C10orf90: variants seen among roughly 807,000 people sequenced by gnomAD.
The protein encoded by C10orf90 is chromosome 10 open reading frame 90.
Under a neutral mutation model 62.5 loss-of-function variants are expected in C10orf90, and 56 were observed. The ratio of observed to expected loss-of-function variants is 0.90; its 90% CI spans 0.72 to 1.12. The LOEUF is 1.12. C10orf90 is among the 50% of genes most tolerant of loss of function. The pLI, the probability that C10orf90 is intolerant of heterozygous loss-of-function variation, is 0.00. For synonymous variants in C10orf90, 386 were observed against 340.4 expected, an observed-to-expected ratio of 1.13 and a Z score of -1.47; for missense variants, 970 against 880.4, an observed-to-expected ratio of 1.10 and a Z score of -1.29.
Position 126,425,411 on chromosome 10 carries a change from C to A in C10orf90, c.*453G>T. ...GGTTTCAAATATACTATATGATGACCCACATTTTGGCATTTGCATAACTGG... is the reference window on the plus strand; with the variant it reads ...GGTTTCAAATATACTATATGATGACACACATTTTGGCATTTGCATAACTGG... On this transcript the variant is annotated 3_prime_UTR_variant, in exon 10 of 10. Coordinates refer to ENST00000488181, the MANE Select transcript of C10orf90 (RefSeq NM_001350921.2). 1 of 173,602 alleles carries A rather than the reference C, an allele frequency of 5.8e-6. No individual in the cohort carries two copies. Among genetic ancestry groups the A allele is most frequent in the Admixed American group, 5.7e-5 (1 of 17,554 alleles). 10.8% of individuals were successfully genotyped at this position (173,602 alleles called of 1,614,324 possible).
At chr10:126,661,391 T>C (rs181711628) in intron 1 of C10orf90, among the ~76,000 whole-genome samples, 6 of 152,334 alleles carry the variant, frequency 3.9e-5, no homozygotes, top group Non-Finnish European at 5.9e-5. Context: ...TGAATACAGA[T>C]GAGAAAACTA....
intron 3 of C10orf90, 75 bp from the exon 4 acceptor site, chr10:126,505,160 A>G (rs1591032115): frequency 2.1e-6 from 3 of 1,461,858 alleles, no homozygotes; most frequent in African/African-American, 1.4e-5. Context: ...TTCAAGGGCC[A>G]CCAGGATGCC....
chr10:126,621,981 C>G (rs759889561), intron 2 of C10orf90, among the ~76,000 whole-genome samples: 1 of 152,012 alleles, frequency 6.6e-6, no homozygotes, highest in African/African-American at 2.4e-5. Flanking sequence ...TGGCTTACCC[C>G]GTACCTTCAG....
chr10:126,561,588 G>T lies in C10orf90; in HGVS notation c.314-47649C>A, dbSNP rs992051286. On this transcript the variant is annotated intron_variant, in intron 2 of 9. Transcript: ENST00000488181. Reference sequence around the variant, plus strand: ...AAACGAAAGCAGATTTTCACTCTCCGTGCTGCAGGAGCCACAGAAAGTCCG... The same window carrying T: ...AAACGAAAGCAGATTTTCACTCTCCTTGCTGCAGGAGCCACAGAAAGTCCG... Among the ~76,000 whole-genome samples, 4 of 152,150 alleles carry T rather than the reference G, an allele frequency of 2.6e-5. No homozygotes were observed. In the South Asian group the frequency reaches 8.3e-4, roughly 32 times the overall value.
intron 1 of C10orf90, among the ~76,000 whole-genome samples, chr10:126,659,586 A>G (rs1329033757): frequency 6.6e-6 from 1 of 152,232 alleles, no homozygotes; most frequent in African/African-American, 2.4e-5. Flanking sequence ...AGCTGTCTCA[A>G]AGTCCTTTCT....
intron 7 of C10orf90, among the ~76,000 whole-genome samples, chr10:126,431,321 T>C (rs1228135571): frequency 6.6e-6 from 1 of 152,166 alleles, no homozygotes; most frequent in Non-Finnish European, 1.5e-5. Flanking sequence ...ACACTAGGTA[T>C]GAGGCCTCTA....
intron 2 of C10orf90, among the ~76,000 whole-genome samples, chr10:126,547,149 G>A (rs2133973311): frequency 6.6e-6 from 1 of 152,152 alleles, no homozygotes; most frequent in South Asian, 2.1e-4. Flanking sequence ...GCCGGGCGTT[G>A]TGGCTCACGC....
chr10:126,476,970 C>T (rs555703296), intron 4 of C10orf90, among the ~76,000 whole-genome samples: 2 of 140,886 alleles, frequency 1.4e-5, no homozygotes, highest in African/African-American at 5.4e-5. Context: ...AGTGCAGTGG[C>T]ATGATCTCGG....
chr10:126,644,592 G>A (rs1846129001), intron 2 of C10orf90, among the ~76,000 whole-genome samples: 1 of 152,212 alleles, frequency 6.6e-6, no homozygotes, highest in African/African-American at 2.4e-5. Flanking sequence ...TCCCAACCCA[G>A]GGTTGCCTGA....
Position 126,661,261 on chromosome 10 carries a change from C to T in C10orf90, c.240+8980G>A, listed in dbSNP as rs1325932983. 3.9e-5 allele frequency among the ~76,000 whole-genome samples: 6 copies of T among 152,208 alleles called. No homozygotes were observed. In the East Asian group the frequency reaches 1.2e-3, roughly 29 times the overall value. On this transcript the variant is annotated intron_variant, in intron 1 of 9. Transcript: ENST00000488181. ...ACATATGTTCAAACTTGGACAACAA[C>T]AACAACTCATTTTCATGGGGTACAG... is the stretch of plus-strand genomic sequence containing the variant.
intron 4 of C10orf90, among the ~76,000 whole-genome samples, chr10:126,493,153 C>CT (rs1367075354): frequency 3.1e-5 from 4 of 129,056 alleles, no homozygotes; most frequent in African/African-American, 1.1e-4. Context: ...CATAATCCCT[C>CT]TTTTTTGTTG....
chr10:126,433,315 G>A (rs575790414), intron 7 of C10orf90, among the ~76,000 whole-genome samples: 4 of 152,292 alleles, frequency 2.6e-5, no homozygotes, highest in Admixed American at 1.3e-4. Flanking sequence ...TAGATGCCAA[G>A]AGCAAAGTCT....
intron 2 of C10orf90, among the ~76,000 whole-genome samples, chr10:126,622,274 G>A (rs189293489): frequency 3.9e-5 from 6 of 152,116 alleles, no homozygotes; most frequent in Admixed American, 2.6e-4. Context: ...TCTCTAGCTC[G>A]GCTGATGAAG....
rs1395713544 is a variant in C10orf90 at position 126,645,108 on chromosome 10, T to TTC, written c.313+1456_313+1457insGA. On this transcript the variant is annotated intron_variant, in intron 2 of 9. Transcript: ENST00000488181. ...GGGGAACATCACACTCTGGGGACTGTTGTGGGGTGGGAGGAGGGGGGAGGG... is the reference window on the plus strand; with the variant it reads ...GGGGAACATCACACTCTGGGGACTGTTCTGTGGGGTGGGAGGAGGGGGGAGGG... Among the ~76,000 whole-genome samples the TTC allele has an allele frequency of 2.6e-3, 153 of 57,922 alleles. 2 individuals are homozygous for TTC. Among genetic ancestry groups the TTC allele is most frequent in the African/African-American group, 5.6e-3 (148 of 26,378 alleles). The allele number at this position is 57,922 out of a possible 152,430, so 38.0% of individuals were successfully genotyped here.
At position 126,504,299 on chromosome 10, in the gene C10orf90, A is replaced by C; in HGVS notation, c.1192T>G (p.Leu398Val). 1 of 1,613,970 alleles carries C rather than the reference A, an allele frequency of 6.2e-7. No individual in the cohort carries two copies. The highest frequency in any genetic ancestry group is 1.1e-5 in the South Asian group (1 of 91,058). ...SLNLNCSSHRLTADGVDGLVN... is the reference protein window; with the variant it reads ...SLNLNCSSHRVTADGVDGLVN... Reference sequence around the variant, plus strand: ...AGGCCATCTACTCCATCTGCTGTTAATCTGTGGGAACTACAATTGAGGTTG... The same window carrying C: ...AGGCCATCTACTCCATCTGCTGTTACTCTGTGGGAACTACAATTGAGGTTG... The change falls in exon 4 of 10, where the codon TTA becomes GTA. Residue 398 changes from leucine (L) to valine (V), a missense_variant. Physicochemically the swap from Leu to Val is conservative, Grantham distance 32 (BLOSUM62 1). Transcript: ENST00000488181. The surrounding 1 kb of genome is among the most constrained non-coding windows in gnomAD (Gnocchi z 4.1).
intron 2 of C10orf90, among the ~76,000 whole-genome samples, chr10:126,629,563 TCTATTCTTTATGCAATGACTTGAAA>T (rs2133827463): frequency 6.6e-6 from 1 of 152,312 alleles, no homozygotes; most frequent in Non-Finnish European, 1.5e-5. Context: ...TCTGAAGGGA[TCTATTCTTTATGCAATGACTTGAAA>T]GGGGGAAAGT....
intron 2 of C10orf90, among the ~76,000 whole-genome samples, chr10:126,582,535 GAGA>G (rs780476136): frequency 2.0e-5 from 3 of 152,204 alleles, no homozygotes; most frequent in Non-Finnish European, 2.9e-5. Context: ...GGGGAACGGC[GAGA>G]AGGAGTTGGT....
At chr10:126,637,048 CAAAT>C (rs1845965698) in intron 2 of C10orf90, among the ~76,000 whole-genome samples, 1 of 152,050 alleles carries the variant, frequency 6.6e-6, no homozygotes, top group Non-Finnish European at 1.5e-5. Context: ...GAAGTCGAAA[CAAAT>C]AAACTTCTTT....
chr10:126,633,990 C>G (rs1013288276), intron 2 of C10orf90, among the ~76,000 whole-genome samples: 2 of 152,082 alleles, frequency 1.3e-5, no homozygotes, highest in Non-Finnish European at 2.9e-5. Context: ...TAAGTTTTGG[C>G]GAAGAAGCAG....
Sources: allele counts gnomAD v4.1 joint callset (sites outside exome capture counted in the v4.1 genomes callset), GRCh38; gene constraint gnomAD v4.1.1; non-coding constraint Gnocchi (gnomAD v3.1); transcripts MANE v1.5; gene names NCBI Gene and HGNC (gene_info 2026-07-23, HGNC 2026-07-21).